Variants in BLTP1 observed in about 807,000 individuals in gnomAD.
BLTP1 encodes fragile site-associated protein.
At chr4:122,292,670 G>C in the BLTP1 span, 2 of 779,788 alleles carry the variant, frequency 2.6e-6, no homozygotes, top group South Asian at 1.2e-4. Context: ...TAATTAAAAA[G>C]CATGAATATT....
the BLTP1 span, chr4:122,250,334 T>C: frequency 1.3e-6 from 2 of 1,567,044 alleles, no homozygotes; most frequent in Non-Finnish European, 1.8e-6. Context: ...TCACCATTTA[T>C]AATAAATGCT....
chr4:122,256,324 A>C, the BLTP1 span, among the ~76,000 whole-genome samples: 1 of 152,224 alleles, frequency 6.6e-6, no homozygotes, highest in African/African-American at 2.4e-5. Context: ...TCTACAGTTT[A>C]AGCCTAACTT....
the BLTP1 span, among the ~76,000 whole-genome samples, chr4:122,340,491 T>G: frequency 2.6e-5 from 4 of 152,206 alleles, no homozygotes; most frequent in Admixed American, 2.6e-4. Context: ...TTGGAAAAAT[T>G]ATTACAAACT....
At chr4:122,189,861 T>G in the BLTP1 span, 1 of 1,307,210 alleles carries the variant, frequency 7.6e-7, no homozygotes, top group Non-Finnish European at 9.8e-7. Context: ...TTTTTCTTTC[T>G]TTTCAGGATG....
the BLTP1 span, among the ~76,000 whole-genome samples, chr4:122,319,504 A>G: frequency 6.8e-6 from 1 of 147,574 alleles, no homozygotes; most frequent in South Asian, 2.1e-4. Context: ...GTTAAATTCC[A>G]CTGTGGTCTA....
At chr4:122,330,882 G>A in the BLTP1 span, 1 of 464,126 alleles carries the variant, frequency 2.2e-6, no homozygotes, top group Non-Finnish European at 2.8e-6. Context: ...TTTTTGTATG[G>A]TATAACATAA....
chr4:122,336,705 TG>T, the BLTP1 span: 4 of 926,982 alleles, frequency 4.3e-6, no homozygotes, highest in South Asian at 2.0e-4. Context: ...AATTTGAGTT[TG>T]GGGGAATGAG....
the BLTP1 span, chr4:122,167,607 C>G: frequency 2.1e-6 from 2 of 962,320 alleles, no homozygotes; most frequent in Non-Finnish European, 2.5e-6. Flanking sequence ...CACTCAGGCT[C>G]CAGCATCCTG....
At chr4:122,310,970 A>G in the BLTP1 span, 5 of 796,956 alleles carry the variant, frequency 6.3e-6, no homozygotes, top group Non-Finnish European at 7.6e-6. Context: ...CACAATAGTT[A>G]TACATGGCTT....
chr4:122,318,366 C>T, the BLTP1 span: 3 of 895,170 alleles, frequency 3.4e-6, no homozygotes, highest in Non-Finnish European at 5.3e-6. Flanking sequence ...AAGCACGTTA[C>T]ATGTAATCAC....
the BLTP1 span, chr4:122,254,226 A>G: frequency 1.2e-6 from 2 of 1,612,774 alleles, no homozygotes; most frequent in East Asian, 2.2e-5. Flanking sequence ...GATTTGAAAA[A>G]AGATCTACCT....
the BLTP1 span, among the ~76,000 whole-genome samples, chr4:122,294,710 TC>T: frequency 6.6e-6 from 1 of 152,168 alleles, no homozygotes; most frequent in Non-Finnish European, 1.5e-5. Context: ...GTCTGTTCTC[TC>T]CCAGATGACT....
chr4:122,235,953 A>T, the BLTP1 span, among the ~76,000 whole-genome samples: 3 of 152,128 alleles, frequency 2.0e-5, no homozygotes, highest in African/African-American at 4.8e-5. Context: ...TTTCCTCTGG[A>T]TTTTTTTAGT....
At chr4:122,258,995 T>A in the BLTP1 span, 1 of 577,360 alleles carries the variant, frequency 1.7e-6, no homozygotes, top group Admixed American at 3.3e-5. Context: ...AGTGTAAATA[T>A]TTCTTTGAAA....
the BLTP1 span, chr4:122,288,786 T>C: frequency 1.4e-5 from 7 of 483,822 alleles, no homozygotes; most frequent in Non-Finnish European, 1.9e-5. Flanking sequence ...TAGGAGAAAA[T>C]TTAATTTCAA....
chr4:122,184,280 A>G, the BLTP1 span, among the ~76,000 whole-genome samples: 2 of 152,352 alleles, frequency 1.3e-5, no homozygotes, highest in African/African-American at 4.8e-5. Context: ...AGTGTAAGTA[A>G]GATATCTTCA....
At chr4:122,196,836 G>T in the BLTP1 span, 1 of 1,132,734 alleles carries the variant, frequency 8.8e-7, no homozygotes, top group South Asian at 2.1e-5. Flanking sequence ...TTAAAATTTT[G>T]ACATTATTTT....
At chr4:122,329,180 C>A in the BLTP1 span, among the ~76,000 whole-genome samples, 7 of 151,832 alleles carry the variant, frequency 4.6e-5, no homozygotes, top group African/African-American at 1.4e-4. Flanking sequence ...AGATCTACTT[C>A]ATTTTCTTCA....
the BLTP1 span, chr4:122,247,833 G>A: frequency 1.0e-6 from 1 of 987,626 alleles, no homozygotes; most frequent in Non-Finnish European, 1.2e-6. Context: ...TAAAAGGAAA[G>A]TAGAGCTGTT....
Sources: allele counts gnomAD v4.1 joint callset (sites outside exome capture counted in the v4.1 genomes callset), GRCh38; gene constraint gnomAD v4.1.1; transcripts MANE v1.5; gene names NCBI Gene and HGNC (gene_info 2026-07-23, HGNC 2026-07-21).